ADAMTS6: variants seen among roughly 807,000 people sequenced by gnomAD.
ADAMTS6 encodes the protein A disintegrin and metalloproteinase with thrombospondin motifs 6.
ADAMTS6 carries 23 observed loss-of-function variants against 144.3 expected under a neutral mutation model. The observed-to-expected ratio is 0.16, with a 90% CI of 0.11 to 0.23. ADAMTS6 has a LOEUF of 0.23. ADAMTS6 is among the 10% of genes least tolerant of loss of function. The pLI, the probability that ADAMTS6 is intolerant of heterozygous loss-of-function variation, is 1.00. For missense variants in ADAMTS6, 999 were observed against 1,379.6 expected, an observed-to-expected ratio of 0.72 and a Z score of 4.37; for synonymous variants, 444 against 457.5, an observed-to-expected ratio of 0.97 and a Z score of 0.38.
chr5:65,207,533 T>C (rs537595407), intron 20 of ADAMTS6, among the ~76,000 whole-genome samples: 4 of 152,284 alleles, frequency 2.6e-5, no homozygotes, highest in Admixed American at 1.3e-4. Context: ...CTAAGCATTG[T>C]ATAATATTAA....
intron 15 of ADAMTS6, among the ~76,000 whole-genome samples, chr5:65,227,653 G>A (rs913077508): frequency 6.6e-6 from 1 of 152,126 alleles, no homozygotes; most frequent in Non-Finnish European, 1.5e-5. Flanking sequence ...AAATCGACTG[G>A]GTGGTAGAGT....
In ADAMTS6 at chr5:65,406,760, T is replaced by C. The variant is rs185591274; in HGVS notation, c.1073+44715A>G. On this transcript the variant is annotated intron_variant, in intron 7 of 24. Transcript: ENST00000381055. ...TTGTACCTCTGGTTAGAATTCAGTA[T>C]AATATTGGCTGTGGGTTTGTCATAA... is the stretch of plus-strand genomic sequence containing the variant. 1.3e-4 allele frequency among the ~76,000 whole-genome samples: 20 copies of C among 152,002 alleles called. 1 individual carries two copies. The highest frequency in any genetic ancestry group is 1.1e-3 in the Admixed American group (17 of 15,236).
intron 21 of ADAMTS6, among the ~76,000 whole-genome samples, chr5:65,189,272 T>A (rs1247095947): frequency 6.6e-6 from 1 of 152,206 alleles, no homozygotes; most frequent in African/African-American, 2.4e-5. Flanking sequence ...TTCACTCTTC[T>A]GGACACATTA....
At chr5:65,406,241 G>T (rs141271194) in intron 7 of ADAMTS6, among the ~76,000 whole-genome samples, 5,477 of 152,252 alleles carry the variant, frequency 0.036, 303 homozygotes, top group African/African-American at 0.12. Flanking sequence ...CCAAGGGAAT[G>T]CTTCCAGTTT....
chr5:65,327,878 T>A (rs1253325558), intron 9 of ADAMTS6, among the ~76,000 whole-genome samples: 1 of 152,226 alleles, frequency 6.6e-6, no homozygotes, highest in African/African-American at 2.4e-5. Flanking sequence ...TCACCCACTG[T>A]ATGTTACTTT....
intron 7 of ADAMTS6, among the ~76,000 whole-genome samples, chr5:65,335,592 C>T (rs1311703761): frequency 6.6e-6 from 1 of 152,072 alleles, no homozygotes; most frequent in Non-Finnish European, 1.5e-5. Flanking sequence ...AGTGCCCTTC[C>T]TAAAACTGGT....
chr5:65,172,811 C>G (rs769825050), intron 23 of ADAMTS6, 21 bp downstream of exon 23: 1 of 1,605,682 alleles, frequency 6.2e-7, no homozygotes, highest in South Asian at 1.1e-5. Context: ...TCAGCAGGAG[C>G]CCACAGTACA....
At chr5:65,271,919 G>C (rs763575377) in intron 12 of ADAMTS6, among the ~76,000 whole-genome samples, 3 of 151,822 alleles carry the variant, frequency 2.0e-5, no homozygotes, top group Non-Finnish European at 4.4e-5. Flanking sequence ...GAATTTCTTT[G>C]TATTTTTATT....
At chr5:65,220,734 G>A (rs1467764734) in intron 18 of ADAMTS6, among the ~76,000 whole-genome samples, 3 of 151,964 alleles carry the variant, frequency 2.0e-5, no homozygotes, top group South Asian at 2.1e-4. Context: ...GCAACAGAGC[G>A]AGACTCCGTC....
At chr5:65,205,162 T>C (rs1756001501) in intron 20 of ADAMTS6, among the ~76,000 whole-genome samples, 1 of 152,106 alleles carries the variant, frequency 6.6e-6, no homozygotes. Flanking sequence ...ATGCTCCATT[T>C]GGGGCTCCTC....
intron 7 of ADAMTS6, among the ~76,000 whole-genome samples, chr5:65,409,474 A>G (rs545630064): frequency 4.3e-4 from 65 of 152,326 alleles, no homozygotes; most frequent in African/African-American, 1.5e-3. Flanking sequence ...TGAATAGACC[A>G]ATAACAGGCT....
At chr5:65,210,661 C>A in intron 20 of ADAMTS6, 1 of 617,756 alleles carries the variant, frequency 1.6e-6, no homozygotes. Context: ...CAAACAATTC[C>A]CTGGTTATGA....
intron 7 of ADAMTS6, among the ~76,000 whole-genome samples, chr5:65,377,760 A>C (rs1561481452): frequency 6.6e-6 from 1 of 152,224 alleles, no homozygotes; most frequent in Non-Finnish European, 1.5e-5. Context: ...CATGTCAGCC[A>C]TAACAAAGTA....
chr5:65,275,334 G>A (rs1246776546), intron 11 of ADAMTS6, among the ~76,000 whole-genome samples: 1 of 139,890 alleles, frequency 7.1e-6, no homozygotes, highest in Admixed American at 7.6e-5. Flanking sequence ...GAGACAGAGA[G>A]AAATGAAGAA....
intron 7 of ADAMTS6, among the ~76,000 whole-genome samples, chr5:65,369,956 T>G (rs1399910567): frequency 6.6e-6 from 1 of 152,074 alleles, no homozygotes; most frequent in Admixed American, 6.5e-5. Flanking sequence ...TTTCCTTTAT[T>G]TATTTTCCTT....
chr5:65,462,947 G>A (rs1367396060), intron 3 of ADAMTS6, among the ~76,000 whole-genome samples: 3 of 151,950 alleles, frequency 2.0e-5, no homozygotes, highest in African/African-American at 7.3e-5. Flanking sequence ...AGGCATGGTG[G>A]CACACGCCTG....
intron 14 of ADAMTS6, among the ~76,000 whole-genome samples, chr5:65,259,370 T>C (rs1285120547): frequency 7.1e-6 from 1 of 141,242 alleles, no homozygotes; most frequent in Non-Finnish European, 1.5e-5. Flanking sequence ...AGAACAAGGC[T>C]CTGTCTCAAA....
intron 14 of ADAMTS6, among the ~76,000 whole-genome samples, chr5:65,256,085 C>A (rs565865570): frequency 5.9e-5 from 9 of 152,094 alleles, no homozygotes; most frequent in African/African-American, 2.2e-4. Context: ...TTCTTTATAA[C>A]GAGAATTTTT....
At chr5:65,443,953 A>C (rs1758069464) in intron 7 of ADAMTS6, among the ~76,000 whole-genome samples, 1 of 152,164 alleles carries the variant, frequency 6.6e-6, no homozygotes, top group African/African-American at 2.4e-5. Flanking sequence ...TTTATTATAC[A>C]TTGTATTAGA....
Sources: gnomAD v4.1 joint callset for allele counts (sites outside exome capture counted in the v4.1 genomes callset) on GRCh38, gnomAD v4.1.1 for gene constraint, MANE v1.5 for transcripts, NCBI Gene and HGNC (gene_info 2026-07-23, HGNC 2026-07-21) for gene names.